The following RBFOX1 variants were observed in gnomAD, a reference collection of about 807,000 sequenced individuals.
RBFOX1 encodes RNA binding fox-1 homolog 1.
In RBFOX1, 8 loss-of-function variants were observed where a neutral mutation model predicts 57.7. That is an observed-to-expected ratio of 0.14 (90% confidence interval 0.08 to 0.25). The LOEUF is 0.25. Among genes scored for constraint, RBFOX1 ranks in the 10% least tolerant of loss-of-function variants. The pLI is 1.00. For synonymous variants in RBFOX1, 326 were observed against 222.4 expected (o/e 1.47, Z -4.15); for missense variants, 611 against 548.5 (o/e 1.11, Z -1.14).
At chr16:7,029,378 T>C (rs2042209771) in intron 3 of RBFOX1, among the ~76,000 whole-genome samples, 1 of 150,888 alleles carries the variant, frequency 6.6e-6, no homozygotes, top group Non-Finnish European at 1.5e-5. Flanking sequence ...AGAAAGCTGA[T>C]GCGTCACACA....
intron 3 of RBFOX1, among the ~76,000 whole-genome samples, chr16:6,697,073 C>T (rs1193769761): frequency 4.6e-5 from 7 of 152,164 alleles, no homozygotes; most frequent in Non-Finnish European, 7.3e-5. Context: ...TTTATTCCTT[C>T]CCCTTCAGAA....
intron 4 of RBFOX1, among the ~76,000 whole-genome samples, chr16:7,073,503 A>G (rs990072238): frequency 1.3e-5 from 2 of 152,162 alleles, no homozygotes; most frequent in Non-Finnish European, 2.9e-5. Context: ...CGTTCTATGT[A>G]TTGAAATCCA....
At chr16:5,680,947 A>G (rs1287890920) in intron 3 of RBFOX1, among the ~76,000 whole-genome samples, 2 of 151,992 alleles carry the variant, frequency 1.3e-5, no homozygotes, top group Non-Finnish European at 2.9e-5. Context: ...GCAGCTATAA[A>G]ATTAGCAACT....
At chr16:7,246,214 A>G (rs1390509555) in intron 4 of RBFOX1, among the ~76,000 whole-genome samples, 1 of 152,190 alleles carries the variant, frequency 6.6e-6, no homozygotes, top group Non-Finnish European at 1.5e-5. Flanking sequence ...TTCAAATTTG[A>G]GAGAAAATTT....
chr16:5,665,758 C>T (rs75023175), intron 3 of RBFOX1, among the ~76,000 whole-genome samples: 3,015 of 152,316 alleles, frequency 0.02, 87 homozygotes, highest in African/African-American at 0.068. Flanking sequence ...CTGCCCCAGT[C>T]CCTCAGGCCC....
At chr16:7,710,435 G>C in intron 15 of RBFOX1, 188 bp from the exon 16 acceptor site, 1 of 1,411,334 alleles carries the variant, frequency 7.1e-7, no homozygotes, top group Non-Finnish European at 9.1e-7. Context: ...AATTTCTTTA[G>C]GAGGAGCTAT....
chr16:6,963,931 A>G (rs1353456490), intron 3 of RBFOX1, among the ~76,000 whole-genome samples: 1 of 151,968 alleles, frequency 6.6e-6, no homozygotes, highest in East Asian at 1.9e-4. Flanking sequence ...ATCTCCTGAC[A>G]TCATGATCCA....
intron 3 of RBFOX1, among the ~76,000 whole-genome samples, chr16:5,625,986 C>T (rs1180830948): frequency 1.3e-5 from 2 of 152,216 alleles, no homozygotes; most frequent in African/African-American, 4.8e-5. Flanking sequence ...AAACTATTCT[C>T]CTGCCTCAGC....
chr16:6,645,400 T>G (rs936128982), intron 2 of RBFOX1, among the ~76,000 whole-genome samples: 2 of 152,116 alleles, frequency 1.3e-5, no homozygotes, highest in Non-Finnish European at 2.9e-5. Flanking sequence ...GTCCGGTGTT[T>G]CTCTCCACAT....
At chr16:7,318,125 T>C (rs1386956524) in intron 4 of RBFOX1, among the ~76,000 whole-genome samples, 3 of 151,696 alleles carry the variant, frequency 2.0e-5, no homozygotes, top group Non-Finnish European at 1.5e-5. Flanking sequence ...ACGGTGCTGA[T>C]GGTGATGTAG....
Position 5,421,276 on chromosome 16 carries a change from G to C in RBFOX1, c.220-45940G>C, listed in dbSNP as rs530694925. Among the ~76,000 whole-genome samples the C allele has an allele frequency of 1.7e-3, 256 of 152,226 alleles. 2 individuals carry two copies. Among genetic ancestry groups the C allele is most frequent in the African/African-American group, 5.8e-3 (241 of 41,544 alleles). ...CCTGCCTCAGTCTCCCAAAGTGCTG[G>C]GATTCCAGGCCTGAGCCACTGTGCC... is the stretch of plus-strand genomic sequence containing the variant. On this transcript the variant is annotated intron_variant, in intron 1 of 2. Transcript: ENST00000585867.
At chr16:5,771,522 C>A (rs2053976151) in intron 3 of RBFOX1, among the ~76,000 whole-genome samples, 1 of 152,284 alleles carries the variant, frequency 6.6e-6, no homozygotes, top group Middle Eastern at 3.4e-3. Context: ...GATTCTTATG[C>A]CTCAGCCTCC....
intron 4 of RBFOX1, among the ~76,000 whole-genome samples, chr16:7,073,278 A>G (rs914972893): frequency 1.4e-4 from 22 of 152,196 alleles, no homozygotes; most frequent in African/African-American, 4.8e-4. Flanking sequence ...TAAAATTTCT[A>G]CTATTTGGCT....
chr16:7,492,001 A>C (rs1161001849), intron 4 of RBFOX1, among the ~76,000 whole-genome samples: 1 of 152,060 alleles, frequency 6.6e-6, no homozygotes, highest in Non-Finnish European at 1.5e-5. Flanking sequence ...ATAACACTCT[A>C]CTCAGCCTAC....
At chr16:6,483,710 G>C in intron 2 of RBFOX1, 1 of 1,427,904 alleles carries the variant, frequency 7.0e-7, no homozygotes, top group Non-Finnish European at 9.2e-7. Context: ...GACAGGGGGA[G>C]GAGTGTGCAA....
At chr16:6,780,973 G>T (rs1331316226) in intron 3 of RBFOX1, among the ~76,000 whole-genome samples, 2 of 152,014 alleles carry the variant, frequency 1.3e-5, no homozygotes, top group African/African-American at 4.8e-5. Context: ...GGTTGCCTTT[G>T]CTGTGCAGAC....
At chr16:7,446,515 G>A (rs2098808852) in intron 4 of RBFOX1, among the ~76,000 whole-genome samples, 1 of 152,188 alleles carries the variant, frequency 6.6e-6, no homozygotes, top group Non-Finnish European at 1.5e-5. Context: ...GAAGAAGCAA[G>A]AAGGTTGGGA....
At chr16:7,360,399 A>G (rs2097298753) in intron 4 of RBFOX1, among the ~76,000 whole-genome samples, 1 of 152,176 alleles carries the variant, frequency 6.6e-6, no homozygotes, top group Admixed American at 6.5e-5. Flanking sequence ...AGTGGTCTAC[A>G]GTGTGCCTGT....
At chr16:5,933,071 C>G (rs1206934789) in intron 4 of RBFOX1, among the ~76,000 whole-genome samples, 3 of 152,230 alleles carry the variant, frequency 2.0e-5, no homozygotes, top group Non-Finnish European at 2.9e-5. Flanking sequence ...TGGGGGCAGA[C>G]AAACAGCTCT....
Sources: allele counts gnomAD v4.1 joint callset (sites outside exome capture counted in the v4.1 genomes callset), GRCh38; gene constraint gnomAD v4.1.1; transcripts MANE v1.5; gene names NCBI Gene and HGNC (gene_info 2026-07-23, HGNC 2026-07-21).